Variants in NRXN3 observed in about 807,000 individuals in gnomAD.
NRXN3 encodes neurexin 3.
Under a neutral mutation model 137.6 loss-of-function variants are expected in NRXN3, and 32 were observed. The observed-to-expected ratio is 0.23, with a 90% confidence interval of 0.18 to 0.31. NRXN3 has a LOEUF of 0.31. Ranked by LOEUF, NRXN3 falls within the 10% of genes least tolerant of loss-of-function variation. The probability of loss-of-function intolerance (pLI) is 1.00; values close to 1 mark genes in which losing one functional copy is unlikely to be tolerated. For missense variants in NRXN3, 1,574 were observed against 2,062.5 expected (o/e 0.76, Z 4.59); for synonymous variants, 798 against 784.5 (o/e 1.02, Z -0.29).
rs1042955420 is a variant in NRXN3 at position 78,430,384 on chromosome 14, G to A, written c.757+132524G>A. ...GTATTTTTAGAGGCACTCTTCTAGC[G>A]TTACTATGGCTAAATGTTTCCACCA... On this transcript the variant is annotated intron_variant, in intron 4 of 20. Transcript: ENST00000335750. Among the ~76,000 whole-genome samples, 7 of 152,188 alleles carry A rather than the reference G, an allele frequency of 4.6e-5. No homozygotes were observed. In the South Asian group the frequency reaches 1.0e-3, roughly 22 times the overall value.
chr14:79,673,862 G>A (rs2098625949), intron 17 of NRXN3, among the ~76,000 whole-genome samples: 2 of 152,056 alleles, frequency 1.3e-5, no homozygotes, highest in South Asian at 2.1e-4. Context: ...GTAGCCCCAA[G>A]GGGTAGATAT....
chr14:79,442,559 G>A (rs1302003807), intron 15 of NRXN3, among the ~76,000 whole-genome samples: 3 of 152,168 alleles, frequency 2.0e-5, no homozygotes, highest in Non-Finnish European at 4.4e-5. Context: ...ACACAGCAGG[G>A]ACAGGACATG....
intron 15 of NRXN3, among the ~76,000 whole-genome samples, chr14:79,093,049 A>G (rs577129272): frequency 2.0e-5 from 3 of 152,296 alleles, no homozygotes; most frequent in East Asian, 3.9e-4. Flanking sequence ...ACAAATATTT[A>G]TACCATTATT....
In NRXN3 at chr14:79,046,156, C is replaced by T. The variant is rs116073767; in HGVS notation, c.3262+58015C>T. On this transcript the variant is annotated intron_variant, in intron 15 of 20. Coordinates refer to ENST00000335750, the MANE Select transcript of NRXN3 (RefSeq NM_001330195.2). Reference sequence around the variant, plus strand: ...GGAGTAACATGACACCAGTATAACACCTTTTGCATTTCTGAAAGCTTCCTT... The same window carrying T: ...GGAGTAACATGACACCAGTATAACATCTTTTGCATTTCTGAAAGCTTCCTT... Among the ~76,000 whole-genome samples, 796 of 152,246 alleles carry T rather than the reference C, an allele frequency of 5.2e-3. 7 individuals carry two copies. The highest frequency in any genetic ancestry group is 0.018 in the African/African-American group (756 of 41,556).
At chr14:79,081,871 T>C (rs983437820) in intron 15 of NRXN3, among the ~76,000 whole-genome samples, 5 of 152,114 alleles carry the variant, frequency 3.3e-5, no homozygotes, top group Non-Finnish European at 7.4e-5. Context: ...TATGCCTCCC[T>C]GGATTGTCAA....
chr14:78,294,448 C>T (rs2076110639), intron 3 of NRXN3, among the ~76,000 whole-genome samples: 1 of 150,076 alleles, frequency 6.7e-6, no homozygotes, highest in Non-Finnish European at 1.5e-5. Flanking sequence ...CCTAGCTACT[C>T]AGAAGGTTGA....
chr14:78,405,254 C>T (rs1288058773), intron 4 of NRXN3, among the ~76,000 whole-genome samples: 1 of 152,126 alleles, frequency 6.6e-6, no homozygotes, highest in Non-Finnish European at 1.5e-5. Context: ...GGGCAGATAA[C>T]AGTCATGCAG....
intron 4 of NRXN3, among the ~76,000 whole-genome samples, chr14:78,582,871 C>G (rs75498902): frequency 6.6e-6 from 1 of 152,188 alleles, no homozygotes; most frequent in Admixed American, 6.5e-5. Flanking sequence ...TTATCCAAGA[C>G]GCTCTGTCCT....
chr14:78,840,652 G>C (rs760728130), intron 10 of NRXN3, among the ~76,000 whole-genome samples: 2 of 152,044 alleles, frequency 1.3e-5, no homozygotes, highest in South Asian at 2.1e-4. Context: ...AATGTTGCTC[G>C]TCACCCTGGA....
intron 4 of NRXN3, among the ~76,000 whole-genome samples, chr14:78,319,204 AGTT>A (rs1165929959): frequency 6.6e-6 from 1 of 152,242 alleles, no homozygotes; most frequent in African/African-American, 2.4e-5. Context: ...CTTAGGAATT[AGTT>A]GTTATCTTCA....
At chr14:79,809,922 T>G (rs2140804770) in intron 20 of NRXN3, among the ~76,000 whole-genome samples, 1 of 152,328 alleles carries the variant, frequency 6.6e-6, no homozygotes, top group African/African-American at 2.4e-5. Flanking sequence ...CAAATAGCAA[T>G]TAAGATCATT....
chr14:79,698,065 A>G, intron 19 of NRXN3, 128 bp downstream of exon 19: 1 of 818,760 alleles, frequency 1.2e-6, no homozygotes, highest in African/African-American at 1.7e-5. Flanking sequence ...AGATACTCAT[A>G]GTAATGAGAC....
chr14:78,694,139 T>A (rs1394392541), intron 6 of NRXN3, among the ~76,000 whole-genome samples: 1 of 152,026 alleles, frequency 6.6e-6, no homozygotes, highest in Non-Finnish European at 1.5e-5. Context: ...CCTGATTTCA[T>A]GGTAGTTTGG....
At chr14:79,569,194 A>C (rs2097575434) in intron 16 of NRXN3, among the ~76,000 whole-genome samples, 1 of 151,990 alleles carries the variant, frequency 6.6e-6, no homozygotes, top group South Asian at 2.1e-4. Flanking sequence ...GGTGATACAC[A>C]GATTAATACT....
chr14:78,491,343 G>A (rs2095664122), intron 4 of NRXN3, among the ~76,000 whole-genome samples: 1 of 152,176 alleles, frequency 6.6e-6, no homozygotes. Context: ...CTACCATGTG[G>A]CCAAGGTCAC....
At chr14:79,299,812 A>G (rs1008747471) in intron 15 of NRXN3, among the ~76,000 whole-genome samples, 55 of 152,092 alleles carry the variant, frequency 3.6e-4, no homozygotes, top group African/African-American at 1.3e-3. Context: ...CCAGGGTTAC[A>G]GGATCTATTT....
At chr14:79,004,870 C>A (rs1326353808) in intron 15 of NRXN3, among the ~76,000 whole-genome samples, 1 of 152,240 alleles carries the variant, frequency 6.6e-6, no homozygotes, top group African/African-American at 2.4e-5. Flanking sequence ...TATGCTGTCG[C>A]CCCGTCCTCA....
intron 4 of NRXN3, among the ~76,000 whole-genome samples, chr14:78,582,871 C>T (rs75498902): frequency 8.5e-5 from 13 of 152,306 alleles, no homozygotes; most frequent in East Asian, 1.9e-4. Flanking sequence ...TTATCCAAGA[C>T]GCTCTGTCCT....
At chr14:78,206,879 T>G (rs946155606) in intron 1 of NRXN3, among the ~76,000 whole-genome samples, 1 of 152,244 alleles carries the variant, frequency 6.6e-6, no homozygotes, top group African/African-American at 2.4e-5. Context: ...TTGTTTGTTT[T>G]TTGAGATGGA....
Sources: allele counts gnomAD v4.1 joint callset (sites outside exome capture counted in the v4.1 genomes callset), GRCh38; gene constraint gnomAD v4.1.1; transcripts MANE v1.5; gene names NCBI Gene and HGNC (gene_info 2026-07-23, HGNC 2026-07-21).